Variants in DISP1 observed in about 807,000 individuals in gnomAD.
The protein encoded by DISP1 is protein dispatched homolog 1.
DISP1 carries 30 observed loss-of-function variants against 37.3 expected under a neutral mutation model. The ratio of observed to expected loss-of-function variants is 0.80; its 90% confidence interval spans 0.60 to 1.09. DISP1 has a LOEUF of 1.09. Ranked by LOEUF, DISP1 falls within the 50% of genes least tolerant of loss-of-function variation. The probability of loss-of-function intolerance (pLI) is 0.00; values close to 1 mark genes in which losing one functional copy is unlikely to be tolerated. For missense variants in DISP1, 1,598 were observed against 1,879.5 expected, an observed-to-expected ratio of 0.85 and a Z score of 2.77; for synonymous variants, 634 against 690.2, an observed-to-expected ratio of 0.92 and a Z score of 1.28.
At chr1:222,946,528 C>G (rs755240837) in intron 3 of DISP1, among the ~76,000 whole-genome samples, 4 of 151,992 alleles carry the variant, frequency 2.6e-5, no homozygotes, top group Non-Finnish European at 4.4e-5. Context: ...GATTACTTTG[C>G]TATTTTCTAC....
At chr1:222,939,324 A>G (rs1674201080) in intron 2 of DISP1, among the ~76,000 whole-genome samples, 1 of 148,538 alleles carries the variant, frequency 6.7e-6, no homozygotes, top group Admixed American at 6.7e-5. Flanking sequence ...AAAGAGAATG[A>G]TAGTTGTGAT....
At chr1:222,820,731 A>G (rs902999903) in intron 1 of DISP1, among the ~76,000 whole-genome samples, 6 of 152,336 alleles carry the variant, frequency 3.9e-5, no homozygotes, top group African/African-American at 1.4e-4. Context: ...CAAAATATGC[A>G]TAGTAATACC....
At position 222,927,087 on chromosome 1, in the gene DISP1, T is replaced by C. The variant is rs984130087; in HGVS notation, c.-158-1343T>C. Among the ~76,000 whole-genome samples the C allele has an allele frequency of 2.6e-5, 4 of 152,024 alleles. No individual in the cohort carries two copies. In the East Asian group the frequency reaches 7.7e-4, roughly 29 times the overall value. Reference sequence around the variant, plus strand: ...GGTCATATGGTAGTTCTATGTTCAATATTTTGAGGAATTACCAAGCTATTT... The same window carrying C: ...GGTCATATGGTAGTTCTATGTTCAACATTTTGAGGAATTACCAAGCTATTT... On this transcript the variant is annotated intron_variant, in intron 1 of 8. Transcript: ENST00000675850.
intron 3 of DISP1, among the ~76,000 whole-genome samples, chr1:222,956,281 T>C (rs1675588738): frequency 1.3e-5 from 2 of 152,170 alleles, no homozygotes; most frequent in Non-Finnish European, 2.9e-5. Context: ...GAAAGGGTAC[T>C]TCATGGAGGA....
At chr1:222,954,979 A>G (rs1263251132) in intron 3 of DISP1, among the ~76,000 whole-genome samples, 1 of 152,144 alleles carries the variant, frequency 6.6e-6, no homozygotes, top group Non-Finnish European at 1.5e-5. Context: ...GGGGAATGCA[A>G]GCAATCCCCT....
intron 3 of DISP1, among the ~76,000 whole-genome samples, chr1:222,955,718 A>G (rs974853369): frequency 1.4e-4 from 22 of 152,174 alleles, no homozygotes; most frequent in African/African-American, 5.1e-4. Context: ...AACTCTGACC[A>G]CCTTCAGGAC....
In DISP1 at chr1:222,888,883, C is replaced by T. The variant is rs1045242013; in HGVS notation, c.-158-39547C>T. The stretch of plus-strand genomic sequence containing the variant: ...ATTTCTTAGTTTATTCAGTTGCTTA[C>T]TTTTTTCTCTTTCTTCAAAAAATTT... On this transcript the variant is annotated intron_variant, in intron 1 of 8. Coordinates refer to ENST00000675850, the MANE Select transcript of DISP1 (RefSeq NM_001377229.1). Among the ~76,000 whole-genome samples the T allele has an allele frequency of 5.9e-5, 9 of 151,876 alleles. No individual in the cohort carries two copies. The East Asian group carries it at 1.5e-3, about 26-fold the overall frequency.
chr1:223,003,419 G>T lies in DISP1; in HGVS notation c.2022G>T (p.Gln674His), dbSNP rs138078434. ...LNIFTCFKKP[Q>H]QQIYDNKSCW... Reference sequence around the variant, plus strand: ...TATTCACTTGCTTCAAAAAGCCCCAGCAGCAAATATATGATAACAAAAGCT... The same window carrying T: ...TATTCACTTGCTTCAAAAAGCCCCATCAGCAAATATATGATAACAAAAGCT... The change falls in exon 9 of 9, where the codon CAG becomes CAT. Residue 674 changes from glutamine (Q) to histidine (H), a missense_variant. Gln to His is a conservative substitution (Grantham distance 24). Transcript: ENST00000675850. The surrounding 1 kb of genome is among the most constrained non-coding windows in gnomAD (Gnocchi z 4.3). 34 of 1,614,112 alleles carry T rather than the reference G, an allele frequency of 2.1e-5. No homozygotes were observed. In the African/African-American group the frequency reaches 4.0e-4, roughly 19 times the overall value.
chr1:222,826,047 G>T (rs146308280), intron 1 of DISP1, among the ~76,000 whole-genome samples: 1 of 152,176 alleles, frequency 6.6e-6, no homozygotes, highest in Non-Finnish European at 1.5e-5. Context: ...GACTGTAGGT[G>T]TGTACCACCA....
At chr1:222,898,485 C>A (rs1572456827) in intron 1 of DISP1, among the ~76,000 whole-genome samples, 3 of 150,806 alleles carry the variant, frequency 2.0e-5, no homozygotes, top group African/African-American at 4.9e-5. Flanking sequence ...TTTGTTCATT[C>A]ATTCAGGAAT....
intron 3 of DISP1, among the ~76,000 whole-genome samples, chr1:222,944,729 A>T (rs1443173783): frequency 6.6e-6 from 1 of 152,228 alleles, no homozygotes; most frequent in Admixed American, 6.5e-5. Flanking sequence ...GATAAGTGGA[A>T]TCATACAGTA....
At chr1:222,855,864 C>G (rs1278521813) in intron 1 of DISP1, among the ~76,000 whole-genome samples, 3 of 149,440 alleles carry the variant, frequency 2.0e-5, no homozygotes, top group African/African-American at 7.4e-5. Context: ...GAATTTTTCT[C>G]CAATTATAAG....
chr1:222,852,898 TG>T (rs1668346461), intron 1 of DISP1, among the ~76,000 whole-genome samples: 2 of 151,726 alleles, frequency 1.3e-5, no homozygotes, highest in African/African-American at 2.4e-5. Flanking sequence ...GCCTGGCATA[TG>T]GGGGGCTCTG....
intron 8 of DISP1, among the ~76,000 whole-genome samples, chr1:222,996,264 A>G (rs1383615507): frequency 6.6e-6 from 1 of 152,214 alleles, no homozygotes; most frequent in Non-Finnish European, 1.5e-5. Flanking sequence ...ATGCATTAGG[A>G]TACTTCTTAT....
intron 1 of DISP1, among the ~76,000 whole-genome samples, chr1:222,872,016 A>C (rs1484233584): frequency 6.6e-6 from 1 of 152,062 alleles, no homozygotes; most frequent in Non-Finnish European, 1.5e-5. Flanking sequence ...GAATTTTGTC[A>C]AAGGCCTTTT....
intron 3 of DISP1, among the ~76,000 whole-genome samples, chr1:222,952,328 TG>T (rs1215651829): frequency 1.3e-5 from 2 of 152,222 alleles, no homozygotes; most frequent in Non-Finnish European, 2.9e-5. Context: ...TTTCCATCAT[TG>T]CAGAGAGTTT....
intron 1 of DISP1, among the ~76,000 whole-genome samples, chr1:222,911,676 C>T (rs1672216534): frequency 6.6e-6 from 1 of 151,974 alleles, no homozygotes; most frequent in South Asian, 2.1e-4. Flanking sequence ...CATGCCACTA[C>T]ATCCAGCTAA....
intron 2 of DISP1, among the ~76,000 whole-genome samples, chr1:222,938,513 C>T (rs2609390): frequency 0.16 from 24,510 of 150,822 alleles, 2,061 homozygotes; most frequent in South Asian, 0.3. Flanking sequence ...GCAGGAGGAT[C>T]GCTTGAGCTC....
chr1:222,882,383 C>T (rs1369321961), intron 1 of DISP1, among the ~76,000 whole-genome samples: 4 of 152,124 alleles, frequency 2.6e-5, no homozygotes, highest in African/African-American at 9.7e-5. Flanking sequence ...ATCTGCACTA[C>T]AAAGGAGTGG....
Sources: gnomAD v4.1 joint callset for allele counts (sites outside exome capture counted in the v4.1 genomes callset) on GRCh38, gnomAD v4.1.1 for gene constraint, Gnocchi (gnomAD v3.1) non-coding constraint, MANE v1.5 for transcripts, NCBI Gene and HGNC (gene_info 2026-07-23, HGNC 2026-07-21) for gene names.